The following GALNT17 variants were observed in gnomAD, a reference collection of about 807,000 sequenced individuals.
GALNT17 encodes UDP-GalNAc:polypeptide N-acetylgalactosaminyltransferase-like 3.
Under a neutral mutation model 63.7 loss-of-function variants are expected in GALNT17, and 29 were observed. That is an observed-to-expected ratio of 0.46 (90% CI 0.34 to 0.62). GALNT17 has a LOEUF of 0.62. GALNT17 is among the 20% of genes least tolerant of loss of function. The probability of loss-of-function intolerance (pLI) is 0.01; values close to 1 mark genes in which losing one functional copy is unlikely to be tolerated. For missense variants in GALNT17, 603 were observed against 799.6 expected (o/e 0.75, Z 2.97); for synonymous variants, 305 against 318.3 (o/e 0.96, Z 0.45).
At chr7:71,678,792 C>A (rs1226514608) in intron 9 of GALNT17, among the ~76,000 whole-genome samples, 1 of 13,438 alleles carries the variant, frequency 7.4e-5, no homozygotes, top group African/African-American at 1.5e-4. Flanking sequence ...GAGACTCTGT[C>A]TCAAAAAAAA....
At chr7:71,528,271 A>G (rs2116771784) in intron 5 of GALNT17, among the ~76,000 whole-genome samples, 1 of 152,220 alleles carries the variant, frequency 6.6e-6, no homozygotes, top group East Asian at 1.9e-4. Context: ...TTTATCTTCC[A>G]CTGTGATGTC....
intron 9 of GALNT17, among the ~76,000 whole-genome samples, chr7:71,682,519 GACA>G (rs1791282821): frequency 6.6e-6 from 1 of 152,080 alleles, no homozygotes; most frequent in Non-Finnish European, 1.5e-5. Context: ...ATAATTTCAG[GACA>G]ACATGGTCAG....
At chr7:71,148,869 T>C (rs1053458287) in intron 1 of GALNT17, among the ~76,000 whole-genome samples, 6 of 132,542 alleles carry the variant, frequency 4.5e-5, no homozygotes, top group African/African-American at 1.3e-4. Flanking sequence ...TTTATATATA[T>C]ATATATATAT....
chr7:71,595,192 C>G (rs1789867432), intron 6 of GALNT17, among the ~76,000 whole-genome samples: 1 of 152,088 alleles, frequency 6.6e-6, no homozygotes. Flanking sequence ...GAAGCCGGGA[C>G]CTGAGAATCG....
At chr7:71,525,474 G>A (rs1188039518) in intron 5 of GALNT17, among the ~76,000 whole-genome samples, 1 of 152,080 alleles carries the variant, frequency 6.6e-6, no homozygotes, top group Non-Finnish European at 1.5e-5. Flanking sequence ...CCAAAGTGCT[G>A]GGATTACAAG....
chr7:71,602,906 A>G (rs1789986175), intron 6 of GALNT17, among the ~76,000 whole-genome samples: 1 of 152,186 alleles, frequency 6.6e-6, no homozygotes, highest in South Asian at 2.1e-4. Context: ...GAGTCCACAC[A>G]CTAAATGTTA....
intron 1 of GALNT17, among the ~76,000 whole-genome samples, chr7:71,177,656 G>A (rs1788663412): frequency 6.6e-6 from 1 of 152,130 alleles, no homozygotes; most frequent in Non-Finnish European, 1.5e-5. Context: ...TCCAGTTAGA[G>A]GGCCAGCATG....
intron 2 of GALNT17, among the ~76,000 whole-genome samples, chr7:71,335,983 A>ATTCTTC (rs59602104): frequency 1.3e-4 from 17 of 133,440 alleles, no homozygotes; most frequent in African/African-American, 3.8e-4. Flanking sequence ...TTGTATTTTA[A>ATTCTTC]TTCTTCTTCT....
intron 9 of GALNT17, among the ~76,000 whole-genome samples, chr7:71,699,202 A>G (rs993607613): frequency 2.6e-4 from 35 of 136,392 alleles, no homozygotes; most frequent in African/African-American, 8.8e-4. Flanking sequence ...AAAAATGACC[A>G]GGTGCAGTGG....
intron 3 of GALNT17, among the ~76,000 whole-genome samples, chr7:71,397,488 G>A (rs1793158852): frequency 6.6e-6 from 1 of 151,950 alleles, no homozygotes; most frequent in African/African-American, 2.4e-5. Context: ...TAGACAGAAA[G>A]CCTGTAGTCA....
chr7:71,712,458 C>G lies in GALNT17; in HGVS notation c.*312C>G, dbSNP rs774673769. The G allele has an allele frequency of 5.2e-6, 1 of 191,700 alleles. No homozygotes were observed. Among genetic ancestry groups the G allele is most frequent in the Non-Finnish European group, 1.1e-5 (1 of 93,924 alleles). 11.9% of individuals were successfully genotyped at this position (191,700 alleles called of 1,614,324 possible). ...AAGACTGTCCAGTTCTCCTCCACATCTCCCATCCCAGAATCAGGATCTGGG... is the reference window on the plus strand; with the variant it reads ...AAGACTGTCCAGTTCTCCTCCACATGTCCCATCCCAGAATCAGGATCTGGG... On this transcript the variant is annotated 3_prime_UTR_variant, in exon 11 of 11. Coordinates refer to ENST00000333538, the MANE Select transcript of GALNT17 (RefSeq NM_022479.3).
chr7:71,706,520 C>T (rs1791724055), intron 9 of GALNT17, among the ~76,000 whole-genome samples: 1 of 152,134 alleles, frequency 6.6e-6, no homozygotes, highest in African/African-American at 2.4e-5. Context: ...ATATCTTTCC[C>T]TGAACATAAA....
At chr7:71,512,117 C>G (rs1788366951) in intron 5 of GALNT17, among the ~76,000 whole-genome samples, 1 of 151,882 alleles carries the variant, frequency 6.6e-6, no homozygotes, top group East Asian at 1.9e-4. Flanking sequence ...ATTCTCCCGC[C>G]TCAGCCTCCC....
At chr7:71,447,819 G>T (rs1287036491) in intron 5 of GALNT17, among the ~76,000 whole-genome samples, 1 of 151,856 alleles carries the variant, frequency 6.6e-6, no homozygotes, top group African/African-American at 2.4e-5. Flanking sequence ...TCTACCACTT[G>T]TCTGAATTCC....
chr7:71,650,685 T>C (rs1378645664), intron 6 of GALNT17, among the ~76,000 whole-genome samples: 1 of 152,206 alleles, frequency 6.6e-6, no homozygotes, highest in East Asian at 1.9e-4. Context: ...TATCTATAAT[T>C]GTGCCCTACC....
chr7:71,409,174 C>T (rs897069548), intron 3 of GALNT17, among the ~76,000 whole-genome samples: 1 of 151,878 alleles, frequency 6.6e-6, no homozygotes, highest in Non-Finnish European at 1.5e-5. Flanking sequence ...ACAAGTAGGT[C>T]GTAGGCAGTG....
At chr7:71,622,428 A>G (rs1790307171) in intron 6 of GALNT17, among the ~76,000 whole-genome samples, 2 of 152,182 alleles carry the variant, frequency 1.3e-5, no homozygotes, top group South Asian at 4.1e-4. Context: ...CTTCAAAGAT[A>G]TCTTCTTGTC....
chr7:71,529,312 C>T (rs1303630094), intron 5 of GALNT17, among the ~76,000 whole-genome samples: 3 of 151,250 alleles, frequency 2.0e-5, no homozygotes, highest in African/African-American at 7.3e-5. Context: ...GATGGGGGGG[C>T]AATTAGAAAT....
At chr7:71,437,153 G>A (rs926100815) in intron 5 of GALNT17, among the ~76,000 whole-genome samples, 4 of 152,160 alleles carry the variant, frequency 2.6e-5, no homozygotes, top group African/African-American at 4.8e-5. Context: ...GATGGTCAAA[G>A]GTTAGTCTTA....
Sources: gnomAD v4.1 joint callset for allele counts (sites outside exome capture counted in the v4.1 genomes callset) on GRCh38, gnomAD v4.1.1 for gene constraint, MANE v1.5 for transcripts, NCBI Gene and HGNC (gene_info 2026-07-23, HGNC 2026-07-21) for gene names.